ROR1: variants seen among roughly 807,000 people sequenced by gnomAD.
ROR1 encodes the protein ROR family WNT receptor 1.
ROR1 carries 19 observed loss-of-function variants against 78.8 expected under a neutral mutation model. The observed-to-expected ratio is 0.24, with a 90% CI of 0.17 to 0.35. ROR1 has a LOEUF of 0.35. ROR1 is among the 10% of genes least tolerant of loss of function. The probability of loss-of-function intolerance (pLI) is 1.00; values close to 1 mark genes in which losing one functional copy is unlikely to be tolerated. For missense variants in ROR1, 917 were observed against 1,177.8 expected, an observed-to-expected ratio of 0.78 and a Z score of 3.24; for synonymous variants, 386 against 433.6, an observed-to-expected ratio of 0.89 and a Z score of 1.36.
chr1:63,779,622 C>T (rs1045240038), intron 1 of ROR1, among the ~76,000 whole-genome samples: 7 of 152,138 alleles, frequency 4.6e-5, no homozygotes, highest in African/African-American at 1.7e-4. Context: ...AAAAAGCTAA[C>T]GAATACAAAA....
rs1650496289 is a variant in ROR1, at chr1:64,179,605, T to G, written c.*750T>G. ...GAAGGCTAGATGTGGATGCTAGAAT[T>G]GATTGTTGGTTGATAGTTCTCTTTG... On this transcript the variant is annotated 3_prime_UTR_variant, in exon 9 of 9. Coordinates refer to ENST00000371079, the MANE Select transcript of ROR1 (RefSeq NM_005012.4). 6.6e-6 allele frequency: 1 copy of G among 152,096 alleles called. No homozygotes were observed. Among genetic ancestry groups the G allele is most frequent in the Non-Finnish European group, 1.5e-5 (1 of 68,030 alleles). The allele number at this position is 152,096 out of a possible 1,614,324, so 9.4% of individuals were successfully genotyped here.
At chr1:63,934,121 T>C (rs1557569923) in intron 1 of ROR1, among the ~76,000 whole-genome samples, 1 of 152,246 alleles carries the variant, frequency 6.6e-6, no homozygotes, top group East Asian at 1.9e-4. Flanking sequence ...ACATCCCTCA[T>C]GGTAAATCCC....
At chr1:63,904,003 G>A (rs1645509006) in intron 1 of ROR1, among the ~76,000 whole-genome samples, 1 of 152,114 alleles carries the variant, frequency 6.6e-6, no homozygotes, top group Non-Finnish European at 1.5e-5. Context: ...TCTTGAGAAT[G>A]GGGGATATGG....
At chr1:63,826,924 A>G (rs545480033) in intron 1 of ROR1, among the ~76,000 whole-genome samples, 35 of 152,128 alleles carry the variant, frequency 2.3e-4, no homozygotes, top group African/African-American at 8.4e-4. Flanking sequence ...TTTTTCACAC[A>G]TTTATTGGCC....
rs535505069 is a variant in ROR1 at position 63,813,342 on chromosome 1, CAAT to C, written c.91+38835_91+38837del. Among the ~76,000 whole-genome samples, 545 of 152,316 alleles carry C rather than the reference CAAT, an allele frequency of 3.6e-3. 1 individual carries two copies. The highest frequency in any genetic ancestry group is 0.012 in the African/African-American group (508 of 41,566). ...CTGCCTTCTCCCAGAAACCTTCTGC[CAAT>C]TCCGCACATCACTTGGAACTGGGTA... On this transcript the variant is annotated intron_variant, in intron 1 of 8. Transcript: ENST00000371079.
chr1:64,136,174 C>A (rs957844423), intron 4 of ROR1, among the ~76,000 whole-genome samples: 4 of 151,990 alleles, frequency 2.6e-5, no homozygotes, highest in African/African-American at 7.3e-5. Context: ...AATGACTTTC[C>A]CATGTAGGGC....
chr1:64,030,043 T>G (rs985691657), intron 2 of ROR1, among the ~76,000 whole-genome samples: 13 of 152,218 alleles, frequency 8.5e-5, no homozygotes, highest in African/African-American at 3.1e-4. Flanking sequence ...TTGACTGTAT[T>G]TTGATTGAGC....
chr1:64,154,941 A>G (rs1165267510), intron 7 of ROR1, among the ~76,000 whole-genome samples: 1 of 152,208 alleles, frequency 6.6e-6, no homozygotes, highest in Non-Finnish European at 1.5e-5. Flanking sequence ...TTAAAATAGT[A>G]TGATTCCCAC....
chr1:63,884,788 A>G lies in ROR1; in HGVS notation c.91+110280A>G, dbSNP rs138438847. On this transcript the variant is annotated intron_variant, in intron 1 of 8. Coordinates refer to ENST00000371079, the MANE Select transcript of ROR1 (RefSeq NM_005012.4). ...TAAATGGAGGTAAGAATAGAAGGCTATTCTTTCCCTTCTCCGGGAAAAGTG... is the reference window on the plus strand; with the variant it reads ...TAAATGGAGGTAAGAATAGAAGGCTGTTCTTTCCCTTCTCCGGGAAAAGTG... 9.0e-3 allele frequency among the ~76,000 whole-genome samples: 1,361 copies of G among 151,964 alleles called. 11 individuals are homozygous for G. Among genetic ancestry groups the G allele is most frequent in the South Asian group, 0.015 (74 of 4,804 alleles).
intron 2 of ROR1, among the ~76,000 whole-genome samples, chr1:64,011,878 A>G (rs1570055795): frequency 6.6e-6 from 1 of 152,208 alleles, no homozygotes; most frequent in East Asian, 1.9e-4. Flanking sequence ...AAACCAGGCA[A>G]AGGCCCCTGT....
At chr1:63,944,759 G>A (rs568339622) in intron 1 of ROR1, among the ~76,000 whole-genome samples, 1 of 152,190 alleles carries the variant, frequency 6.6e-6, no homozygotes, top group East Asian at 1.9e-4. Flanking sequence ...CAGGAGACCT[G>A]GCTTCTCACC....
chr1:63,885,475 G>A (rs775324167), intron 1 of ROR1, among the ~76,000 whole-genome samples: 74 of 152,234 alleles, frequency 4.9e-4, no homozygotes, highest in Non-Finnish European at 7.9e-4. Context: ...GGGCTTTGGG[G>A]GATCAGTGGT....
At chr1:64,131,548 ATT>A (rs11299014) in intron 4 of ROR1, among the ~76,000 whole-genome samples, 27 of 151,570 alleles carry the variant, frequency 1.8e-4, no homozygotes, top group African/African-American at 2.2e-4. Flanking sequence ...TGTAAATGAT[ATT>A]TTTTTTTTAA....
chr1:63,996,263 G>A (rs1034711935), intron 1 of ROR1, among the ~76,000 whole-genome samples: 9 of 152,176 alleles, frequency 5.9e-5, no homozygotes, highest in Non-Finnish European at 1.0e-4. Context: ...ATAAAATACT[G>A]TGGGGTTTCA....
rs752894664 is a variant in ROR1, at chr1:64,140,290, C to T, written c.792C>T (p.Tyr264=). ...ILENVLCQTE[Y]IFARSNPMIL... ...AGAATGTCCTGTGTCAAACAGAGTA[C>T]ATTTTTGCAAGATCAAATCCCATGA... The change falls in exon 6 of 9, where the codon TAC becomes TAT. Residue 264 remains tyrosine, a synonymous_variant. Coordinates refer to ENST00000371079, the MANE Select transcript of ROR1 (RefSeq NM_005012.4). The T allele has an allele frequency of 1.9e-6, 3 of 1,614,058 alleles. No individual in the cohort carries two copies. Among genetic ancestry groups the T allele is most frequent in the Admixed American group, 1.7e-5 (1 of 59,998 alleles).
chr1:63,929,831 G>C (rs1012455756), intron 1 of ROR1, among the ~76,000 whole-genome samples: 1 of 152,100 alleles, frequency 6.6e-6, no homozygotes, highest in Non-Finnish European at 1.5e-5. Flanking sequence ...TATAAATGAA[G>C]AGACTAGAGG....
chr1:63,956,465 C>T (rs1288223467), intron 1 of ROR1, among the ~76,000 whole-genome samples: 5 of 152,138 alleles, frequency 3.3e-5, no homozygotes, highest in African/African-American at 9.7e-5. Context: ...AGTGAGTTAA[C>T]GCAGGTGAAG....
chr1:64,102,904 G>A lies in ROR1; in HGVS notation c.483-34465G>A, dbSNP rs552328962. ...CAGCAACCCCTTTCTCCCCAATTTC[G>A]ACAACCAAAAGTGTCTCCAGACAGC... On this transcript the variant is annotated intron_variant, in intron 4 of 8. Transcript: ENST00000371079. Among the ~76,000 whole-genome samples the A allele has an allele frequency of 1.4e-4, 21 of 152,142 alleles. 2 individuals are homozygous for A. The East Asian group carries it at 2.3e-3, about 17-fold the overall frequency.
intron 1 of ROR1, among the ~76,000 whole-genome samples, chr1:63,881,841 C>T (rs543664628): frequency 1.3e-5 from 2 of 152,044 alleles, no homozygotes; most frequent in Non-Finnish European, 2.9e-5. Flanking sequence ...GTAGTGGCTG[C>T]CTGGAGGATT....
Sources: allele counts gnomAD v4.1 joint callset (sites outside exome capture counted in the v4.1 genomes callset), GRCh38; gene constraint gnomAD v4.1.1; transcripts MANE v1.5; gene names NCBI Gene and HGNC (gene_info 2026-07-23, HGNC 2026-07-21).